LPIN1: variants seen among roughly 807,000 people sequenced by gnomAD.
LPIN1 encodes the protein phosphatidate phosphatase LPIN1.
LPIN1 carries 71 observed loss-of-function variants against 107.5 expected under a neutral mutation model. The ratio of observed to expected loss-of-function variants is 0.66; its 90% CI spans 0.55 to 0.80. The LOEUF (loss-of-function observed/expected upper bound fraction) is 0.80. LPIN1 is among the 30% of genes least tolerant of loss of function. The pLI is 0.00. For synonymous variants in LPIN1, 445 were observed against 452.6 expected (o/e 0.98, Z 0.21); for missense variants, 1,043 against 1,160.6 (o/e 0.90, Z 1.47).
chr2:11,769,908 G>C (rs1316090593), intron 3 of LPIN1, among the ~76,000 whole-genome samples: 1 of 152,162 alleles, frequency 6.6e-6, no homozygotes, highest in Non-Finnish European at 1.5e-5. Flanking sequence ...TTGCAGCTTC[G>C]GGACAGAACA....
chr2:11,782,669 G>A (rs879411133), intron 8 of LPIN1, among the ~76,000 whole-genome samples, 162 bp downstream of exon 8: 2 of 152,078 alleles, frequency 1.3e-5, no homozygotes, highest in Admixed American at 6.5e-5. Flanking sequence ...ATTAATTATC[G>A]GAATTTAGTC....
rs1405406220 is a variant in LPIN1, at chr2:11,819,599, GTA to G, written c.2517+2_2517+3del. On this transcript the variant is annotated splice_donor_variant and splice_donor_region_variant and intron_variant, in intron 19 of 20. Transcript: ENST00000674199. LOFTEE classifies it high-confidence loss of function. ...TGCTGCTTTTGGAAACCGACCAGCTGTAAGTAGTAGATTGGGTATAGAAGAAC... is the reference window on the plus strand; with the variant it reads ...TGCTGCTTTTGGAAACCGACCAGCTGAGTAGTAGATTGGGTATAGAAGAAC... 4.4e-6 allele frequency: 7 copies of G among 1,608,230 alleles called. No individual in the cohort carries two copies. The highest frequency in any genetic ancestry group is 5.1e-6 in the Non-Finnish European group (6 of 1,174,714).
chr2:11,809,712 G>A (rs1044079512), intron 17 of LPIN1, among the ~76,000 whole-genome samples: 8 of 152,120 alleles, frequency 5.3e-5, no homozygotes, highest in Non-Finnish European at 1.0e-4. Flanking sequence ...CACTGCGCCC[G>A]GCCTAGATCT....
chr2:11,741,505 G>A (rs1572502433), intron 2 of LPIN1: 1 of 1,174,606 alleles, frequency 8.5e-7, no homozygotes, highest in African/African-American at 1.5e-5. Context: ...TTTGGCAACT[G>A]CAAGGAAAAG....
intron 17 of LPIN1, among the ~76,000 whole-genome samples, chr2:11,813,685 C>T (rs541084881): frequency 2.6e-5 from 4 of 152,124 alleles, no homozygotes; most frequent in South Asian, 2.1e-4. Flanking sequence ...GAGGCCGAGA[C>T]GGGTGGATCA....
intron 3 of LPIN1, among the ~76,000 whole-genome samples, chr2:11,768,891 G>C (rs961017974): frequency 2.0e-5 from 3 of 152,046 alleles, no homozygotes; most frequent in South Asian, 4.1e-4. Context: ...AGCCGAGATC[G>C]CGCCACTGCA....
At chr2:11,783,047 A>G (rs543494497) in intron 8 of LPIN1, among the ~76,000 whole-genome samples, 8 of 152,302 alleles carry the variant, frequency 5.3e-5, no homozygotes, top group Admixed American at 5.2e-4. Flanking sequence ...GTTGGCACAC[A>G]GTGGGCGCTC....
intron 17 of LPIN1, among the ~76,000 whole-genome samples, chr2:11,808,043 C>T (rs1679010942): frequency 1.3e-5 from 2 of 152,178 alleles, no homozygotes; most frequent in Non-Finnish European, 2.9e-5. Flanking sequence ...CTTGACATGG[C>T]TTCCCCTCTG....
At chr2:11,756,754 T>C (rs2148592896) in intron 1 of LPIN1, among the ~76,000 whole-genome samples, 1 of 152,324 alleles carries the variant, frequency 6.6e-6, no homozygotes, top group African/African-American at 2.4e-5. Context: ...ATTAATGTCA[T>C]AGGTAGAATT....
rs1680346691 is a variant in LPIN1 at position 11,815,114 on chromosome 2, C to T, written c.2276C>T (p.Ser759Phe). ...SQNGYKFLYC[S>F]ARAIGMADMT... ...AATGGATATAAATTTCTCTACTGTT[C>T]TGCCCGTGCCATCGGGATGGCGGAC... is the stretch of plus-strand genomic sequence containing the variant. The change falls in exon 18 of 21, where the codon TCT becomes TTT. Residue 759 changes from serine (S) to phenylalanine (F), a missense_variant. Ser to Phe is a radical substitution (Grantham distance 155). Transcript: ENST00000674199. 2 of 1,614,178 alleles carry T rather than the reference C, an allele frequency of 1.2e-6. No individual in the cohort carries two copies. The highest frequency in any genetic ancestry group is 2.2e-5 in the East Asian group (1 of 44,884).
chr2:11,775,211 G>T (rs564473060), intron 5 of LPIN1, among the ~76,000 whole-genome samples: 3 of 152,246 alleles, frequency 2.0e-5, no homozygotes, highest in African/African-American at 7.2e-5. Flanking sequence ...TTATTATATT[G>T]GACAGTGCAG....
intron 17 of LPIN1, among the ~76,000 whole-genome samples, chr2:11,812,510 T>A (rs1419975031): frequency 1.3e-5 from 2 of 151,390 alleles, no homozygotes; most frequent in African/African-American, 4.9e-5. Context: ...GAGGTGAGGG[T>A]ACAAGCAGTC....
intron 14 of LPIN1, among the ~76,000 whole-genome samples, chr2:11,796,622 C>G (rs999532570): frequency 6.6e-6 from 1 of 152,040 alleles, no homozygotes; most frequent in African/African-American, 2.4e-5. Flanking sequence ...GTCCCAGGTG[C>G]CTCCCCCTGA....
At chr2:11,698,923 G>GGGAAAATATAT (rs1357882979) in intron 1 of LPIN1, among the ~76,000 whole-genome samples, 2 of 152,220 alleles carry the variant, frequency 1.3e-5, no homozygotes, top group Admixed American at 1.3e-4. Flanking sequence ...GTCCCCTTTG[G>GGGAAAATATAT]GGAAAATATA....
chr2:11,750,692 A>G (rs1667661404), intron 1 of LPIN1, among the ~76,000 whole-genome samples: 1 of 152,234 alleles, frequency 6.6e-6, no homozygotes, highest in South Asian at 2.1e-4. Context: ...GCGAAACTGC[A>G]GTGCAGAGAG....
chr2:11,819,998 C>A (rs752611671), intron 19 of LPIN1, among the ~76,000 whole-genome samples: 2 of 152,176 alleles, frequency 1.3e-5, no homozygotes, highest in Non-Finnish European at 2.9e-5. Flanking sequence ...ATGAAAGAAG[C>A]GCTTTGAGAT....
intron 1 of LPIN1, among the ~76,000 whole-genome samples, chr2:11,702,921 A>AACTG (rs5829325): frequency 1.8e-5 from 1 of 54,548 alleles, no homozygotes; most frequent in African/African-American, 8.3e-5. Context: ...AATATCTCGC[A>AACTG]CCTTATCTTC....
chr2:11,726,498 T>C (rs1200231424), intron 1 of LPIN1, among the ~76,000 whole-genome samples: 1 of 151,404 alleles, frequency 6.6e-6, no homozygotes, highest in Non-Finnish European at 1.5e-5. Flanking sequence ...TCTCTGCTCA[T>C]CTGTCCTGGT....
intron 1 of LPIN1, among the ~76,000 whole-genome samples, chr2:11,735,243 G>T (rs1665672361): frequency 6.7e-6 from 1 of 150,370 alleles, no homozygotes; most frequent in Admixed American, 6.6e-5. Flanking sequence ...AGTGAGTCGA[G>T]ATTGTGCCAC....
Sources: allele counts gnomAD v4.1 joint callset (sites outside exome capture counted in the v4.1 genomes callset), GRCh38; gene constraint gnomAD v4.1.1; transcripts MANE v1.5; gene names NCBI Gene and HGNC (gene_info 2026-07-23, HGNC 2026-07-21).